The following NKAIN2 variants were observed in gnomAD, a reference collection of about 807,000 sequenced individuals.
NKAIN2 encodes sodium/potassium transporting ATPase interacting 2, also known as sodium/potassium-transporting ATPase subunit beta-1-interacting protein 2.
A neutral mutation model predicts 32.6 loss-of-function variants in NKAIN2; 14 were observed. The ratio of observed to expected loss-of-function variants is 0.43; its 90% confidence interval spans 0.28 to 0.67. The LOEUF (loss-of-function observed/expected upper bound fraction) is 0.67, where lower values mean the gene tolerates loss of function less well. Ranked by LOEUF, NKAIN2 falls within the 30% of genes least tolerant of loss-of-function variation. The probability of loss-of-function intolerance (pLI) is 0.17; values close to 1 mark genes in which losing one functional copy is unlikely to be tolerated. For synonymous variants in NKAIN2, 80 were observed against 87.2 expected (o/e 0.92, Z 0.46); for missense variants, 198 against 258.3 (o/e 0.77, Z 1.60).
intron 2 of NKAIN2, among the ~76,000 whole-genome samples, chr6:124,342,694 G>C (rs1360610477): frequency 2.0e-5 from 3 of 151,220 alleles, no homozygotes; most frequent in Non-Finnish European, 4.4e-5. Flanking sequence ...TTTTTTGTAG[G>C]GACGGGGTTT....
At chr6:124,230,251 T>C (rs934417983) in intron 1 of NKAIN2, among the ~76,000 whole-genome samples, 2 of 152,136 alleles carry the variant, frequency 1.3e-5, no homozygotes, top group African/African-American at 2.4e-5. Flanking sequence ...AGAGAGATGA[T>C]TTAGGGTATC....
intron 4 of NKAIN2, among the ~76,000 whole-genome samples, chr6:124,708,147 G>C (rs930447855): frequency 3.9e-4 from 57 of 146,976 alleles, no homozygotes; most frequent in Admixed American, 1.8e-3. Context: ...AGATCAGATA[G>C]TTGTAGATAT....
intron 1 of NKAIN2, among the ~76,000 whole-genome samples, chr6:123,963,662 GA>G (rs1357182630): frequency 1.3e-5 from 2 of 152,184 alleles, no homozygotes; most frequent in Non-Finnish European, 2.9e-5. Context: ...ACATACATGT[GA>G]ACAGAAAGCG....
chr6:124,584,763 TCTC>T (rs910530993), intron 3 of NKAIN2, among the ~76,000 whole-genome samples: 8 of 151,554 alleles, frequency 5.3e-5, no homozygotes, highest in African/African-American at 1.9e-4. Flanking sequence ...TGGGATATCA[TCTC>T]CTACTTAAAA....
chr6:124,733,132 T>A (rs1356656667), intron 4 of NKAIN2, among the ~76,000 whole-genome samples: 1 of 151,780 alleles, frequency 6.6e-6, no homozygotes, highest in Non-Finnish European at 1.5e-5. Flanking sequence ...GACAGTAAAA[T>A]ATCAGTGGTT....
intron 1 of NKAIN2, among the ~76,000 whole-genome samples, chr6:123,824,149 A>ATC: frequency 6.6e-6 from 1 of 152,254 alleles, no homozygotes; most frequent in Non-Finnish European, 1.5e-5. Flanking sequence ...TATTATATAT[A>ATC]GAAATACAAC....
At position 124,475,946 on chromosome 6, in the gene NKAIN2, A is replaced by G. The variant is rs377248585; in HGVS notation, c.273+120599A>G. On this transcript the variant is annotated intron_variant, in intron 3 of 6. Transcript: ENST00000368417. Reference sequence around the variant, plus strand: ...AGACATTTGTGTGGTAGCTTTTTCTAATTTCTGAATATGAAGATGCCTGTT... The same window carrying G: ...AGACATTTGTGTGGTAGCTTTTTCTGATTTCTGAATATGAAGATGCCTGTT... Among the ~76,000 whole-genome samples, 32 of 152,076 alleles carry G rather than the reference A, an allele frequency of 2.1e-4. No individual in the cohort carries two copies. The East Asian group carries it at 3.7e-3, about 17-fold the overall frequency.
intron 1 of NKAIN2, among the ~76,000 whole-genome samples, chr6:123,953,615 C>T (rs1348681707): frequency 6.6e-6 from 1 of 152,066 alleles, no homozygotes; most frequent in Non-Finnish European, 1.5e-5. Flanking sequence ...CAACTTCAGG[C>T]CCCTGGTTGG....
At chr6:124,392,134 G>A (rs536261335) in intron 3 of NKAIN2, among the ~76,000 whole-genome samples, 13 of 152,070 alleles carry the variant, frequency 8.5e-5, no homozygotes, top group African/African-American at 3.1e-4. Context: ...TGAATCAAAA[G>A]TGCTTTTAAA....
At chr6:124,339,257 A>G (rs970408741) in intron 2 of NKAIN2, among the ~76,000 whole-genome samples, 2 of 152,112 alleles carry the variant, frequency 1.3e-5, no homozygotes, top group Non-Finnish European at 2.9e-5. Context: ...AGGCAGGAGA[A>G]TCGCTTGAAC....
intron 4 of NKAIN2, among the ~76,000 whole-genome samples, chr6:124,761,342 C>A (rs1583814589): frequency 6.6e-6 from 1 of 152,130 alleles, no homozygotes; most frequent in Admixed American, 6.5e-5. Context: ...CCTTGATAAC[C>A]CCATTTATAC....
At chr6:124,797,973 T>C (rs972426498) in intron 5 of NKAIN2, among the ~76,000 whole-genome samples, 5 of 151,918 alleles carry the variant, frequency 3.3e-5, no homozygotes, top group Non-Finnish European at 7.4e-5. Flanking sequence ...TTTTGGTATA[T>C]TATGTGCCTG....
chr6:124,091,397 A>C (rs1466139258), intron 1 of NKAIN2, among the ~76,000 whole-genome samples: 1 of 151,996 alleles, frequency 6.6e-6, no homozygotes, highest in African/African-American at 2.4e-5. Context: ...CAAAAATATG[A>C]ATGTTTCAGT....
At chr6:124,269,595 G>A (rs1794658343) in intron 1 of NKAIN2, among the ~76,000 whole-genome samples, 1 of 151,666 alleles carries the variant, frequency 6.6e-6, no homozygotes, top group African/African-American at 2.4e-5. Flanking sequence ...AGCCTCCTGA[G>A]TAGCTTGGAT....
intron 4 of NKAIN2, among the ~76,000 whole-genome samples, chr6:124,711,217 C>A (rs1775434600): frequency 8.4e-6 from 1 of 119,750 alleles, no homozygotes; most frequent in Non-Finnish European, 1.7e-5. Context: ...GTCTGATGGG[C>A]TTCCCTTTGA....
chr6:123,892,702 G>A (rs986131459), intron 1 of NKAIN2, among the ~76,000 whole-genome samples: 1 of 151,838 alleles, frequency 6.6e-6, no homozygotes, highest in Non-Finnish European at 1.5e-5. Flanking sequence ...TATTCATGGA[G>A]TGAGGATGGA....
intron 1 of NKAIN2, among the ~76,000 whole-genome samples, chr6:123,980,436 T>A (rs893280636): frequency 6.6e-6 from 1 of 152,206 alleles, no homozygotes; most frequent in Non-Finnish European, 1.5e-5. Context: ...CAATTATACA[T>A]TACTAATGGC....
intron 1 of NKAIN2, among the ~76,000 whole-genome samples, chr6:124,065,625 G>A (rs1783130683): frequency 6.6e-6 from 1 of 152,064 alleles, no homozygotes; most frequent in African/African-American, 2.4e-5. Context: ...CCAAAAGTTG[G>A]TGCCTTGATC....
chr6:124,529,539 T>C (rs1243139456), intron 3 of NKAIN2, among the ~76,000 whole-genome samples: 1 of 152,126 alleles, frequency 6.6e-6, no homozygotes, highest in Non-Finnish European at 1.5e-5. Flanking sequence ...GGTGGTTCGG[T>C]CTCCTCGACT....
Sources: gnomAD v4.1 joint callset for allele counts (sites outside exome capture counted in the v4.1 genomes callset) on GRCh38, gnomAD v4.1.1 for gene constraint, MANE v1.5 for transcripts, NCBI Gene and HGNC (gene_info 2026-07-23, HGNC 2026-07-21) for gene names.